The following MTMR9 variants were observed in gnomAD, a reference collection of about 807,000 sequenced individuals.
The protein encoded by MTMR9 is myotubularin related protein 9, also known as myotubularin-related protein 9.
In MTMR9, 39 loss-of-function variants were observed where a neutral mutation model predicts 69.5. The observed-to-expected ratio is 0.56, with a 90% CI of 0.43 to 0.73. The LOEUF is 0.73. Among genes scored for constraint, MTMR9 ranks in the 30% least tolerant of loss-of-function variants. The pLI is 0.00. For missense variants in MTMR9, 900 were observed against 671.2 expected, an observed-to-expected ratio of 1.34 and a Z score of -3.77; for synonymous variants, 354 against 240.8, an observed-to-expected ratio of 1.47 and a Z score of -4.35.
chr8:11,315,482 T>TA (rs1344620456), intron 7 of MTMR9, among the ~76,000 whole-genome samples: 2 of 152,202 alleles, frequency 1.3e-5, no homozygotes, highest in African/African-American at 4.8e-5. Context: ...CCTTCAAAGA[T>TA]AAAACTGAAT....
chr8:11,285,961 TTTTTTTTTTG>T (rs1236510489), intron 1 of MTMR9, among the ~76,000 whole-genome samples: 4 of 142,150 alleles, frequency 2.8e-5, no homozygotes, highest in Middle Eastern at 3.5e-3. Context: ...TTTTTTTTTT[TTTTTTTTTTG>T]GAGACGAAAT....
chr8:11,328,311 T>C (rs1420942374), downstream of MTMR9, among the ~76,000 whole-genome samples: 9 of 151,716 alleles, frequency 5.9e-5, no homozygotes, highest in African/African-American at 2.2e-4. Context: ...TATTGAATGA[T>C]TGGTAAAATT....
At chr8:11,338,966 C>T in the MTMR9 span, among the ~76,000 whole-genome samples, 1 of 152,144 alleles carries the variant, frequency 6.6e-6, no homozygotes, top group African/African-American at 2.4e-5. Context: ...CTGATAATGC[C>T]ATGGGACTCC....
chr8:11,306,387 A>G lies in MTMR9; in HGVS notation c.789A>G (p.Arg263=), dbSNP rs780622467. 3.1e-6 allele frequency: 5 copies of G among 1,614,014 alleles called. No individual in the cohort carries two copies. In the Admixed American group the frequency reaches 8.3e-5, roughly 27 times the overall value. Residue 263 remains arginine, a synonymous_variant, in exon 5 of 10, where the codon CGA becomes CGG. Transcript: ENST00000221086. The part of the protein sequence containing the change: ...EQEAHYPQWR[R]IHKSIERYHI... ...AAGCTCATTATCCTCAGTGGAGGCG[A>G]ATTCATAAGTCCATTGAGAGGTAAA...
chr8:11,299,686 A>T (rs1021563806), intron 2 of MTMR9, among the ~76,000 whole-genome samples: 2 of 152,228 alleles, frequency 1.3e-5, no homozygotes, highest in African/African-American at 4.8e-5. Context: ...TGATCCCCAG[A>T]AATACTTAGA....
At chr8:11,287,717 ATATATAT>A (rs946445463) in intron 1 of MTMR9, among the ~76,000 whole-genome samples, 3,098 of 136,866 alleles carry the variant, frequency 0.023, 121 homozygotes, top group African/African-American at 0.077. Flanking sequence ...ATATATTATA[ATATATAT>A]TATATATTAT....
intron 6 of MTMR9, among the ~76,000 whole-genome samples, chr8:11,311,744 C>G (rs573918208): frequency 1.3e-5 from 2 of 152,246 alleles, no homozygotes; most frequent in Non-Finnish European, 2.9e-5. Context: ...TTGACTCTTC[C>G]TTTCATGAAA....
In MTMR9 at chr8:11,304,212, A is replaced by G. The variant is rs566483531; in HGVS notation, c.418-629A>G. Among the ~76,000 whole-genome samples the G allele has an allele frequency of 5.3e-5, 8 of 152,258 alleles. No homozygotes were observed. In the East Asian group the frequency reaches 1.5e-3, roughly 29 times the overall value. On this transcript the variant is annotated intron_variant, in intron 3 of 9. Transcript: ENST00000221086. ...ACTCCTAAGCTTAACCTTCCTTAGT[A>G]TTGAGTTGGTACTGTTTTAAGAAAG... is the stretch of plus-strand genomic sequence containing the variant.
chr8:11,331,779 C>A (rs764258190), downstream of MTMR9: 18 of 1,611,556 alleles, frequency 1.1e-5, no homozygotes, highest in Non-Finnish European at 1.5e-5. Flanking sequence ...AGTGGCCTTC[C>A]TATCTGGCTT....
At chr8:11,303,485 C>T (rs1236246242) in intron 3 of MTMR9, among the ~76,000 whole-genome samples, 1 of 151,988 alleles carries the variant, frequency 6.6e-6, no homozygotes, top group Non-Finnish European at 1.5e-5. Flanking sequence ...CAGATAACTA[C>T]ATTTTTTTAA....
chr8:11,288,206 T>TA (rs1441007206), intron 1 of MTMR9, among the ~76,000 whole-genome samples: 1 of 137,486 alleles, frequency 7.3e-6, no homozygotes, highest in Non-Finnish European at 1.5e-5. Flanking sequence ...GTAATTATTA[T>TA]ATATAATATA....
downstream of MTMR9, chr8:11,331,759 G>A: frequency 6.2e-7 from 1 of 1,611,894 alleles, no homozygotes; most frequent in Non-Finnish European, 8.5e-7. Flanking sequence ...TTTCCCTCCT[G>A]CCTCCCAACA....
chr8:11,321,651 A>G (rs531788903), intron 9 of MTMR9: 2 of 361,356 alleles, frequency 5.5e-6, no homozygotes, highest in South Asian at 4.2e-5. Flanking sequence ...GTAGGCATCT[A>G]TATTGAATAA....
At chr8:11,333,174 A>G in the MTMR9 span, among the ~76,000 whole-genome samples, 2 of 152,208 alleles carry the variant, frequency 1.3e-5, no homozygotes, top group African/African-American at 4.8e-5. Flanking sequence ...AACCTCTAAT[A>G]CCATAAACTC....
chr8:11,292,653 G>A (rs796174250), intron 1 of MTMR9, among the ~76,000 whole-genome samples: 4 of 152,006 alleles, frequency 2.6e-5, no homozygotes, highest in African/African-American at 9.7e-5. Flanking sequence ...TTTGCTAAGT[G>A]ACCATCCATA....
intron 3 of MTMR9, among the ~76,000 whole-genome samples, chr8:11,304,493 C>T (rs886798228): frequency 3.9e-5 from 6 of 152,176 alleles, no homozygotes; most frequent in Non-Finnish European, 7.4e-5. Flanking sequence ...GATCAGCTGT[C>T]TTTCAAACAT....
chr8:11,328,068 G>GT lies in MTMR9; in HGVS notation c.*5282dup, dbSNP rs1801028239. 1 of 152,162 alleles carries GT rather than the reference G, an allele frequency of 6.6e-6. No homozygotes were observed. The highest frequency in any genetic ancestry group is 1.5e-5 in the Non-Finnish European group (1 of 68,026). 9.4% of individuals were successfully genotyped at this position (152,162 alleles called of 1,614,324 possible). Reference sequence around the variant, plus strand: ...TGGTGTTCCTCTGCCTCAGAGGACAGTTGCACAGATGGCTAGTGTTAAATT... The same window carrying GT: ...TGGTGTTCCTCTGCCTCAGAGGACAGTTTGCACAGATGGCTAGTGTTAAATT... On this transcript the variant is annotated 3_prime_UTR_variant, in exon 10 of 10. Transcript: ENST00000221086.
At chr8:11,337,797 TAGAG>T in the MTMR9 span, among the ~76,000 whole-genome samples, 1 of 152,208 alleles carries the variant, frequency 6.6e-6, no homozygotes, top group Non-Finnish European at 1.5e-5. Flanking sequence ...CCGGTAAAGG[TAGAG>T]AGACAGATTC....
chr8:11,302,683 T>G (rs1354693360), intron 3 of MTMR9, among the ~76,000 whole-genome samples: 2 of 152,242 alleles, frequency 1.3e-5, no homozygotes, highest in African/African-American at 4.8e-5. Context: ...GGATGTCCAT[T>G]GTGACTACTT....
Sources: gnomAD v4.1 joint callset for allele counts (sites outside exome capture counted in the v4.1 genomes callset) on GRCh38, gnomAD v4.1.1 for gene constraint, MANE v1.5 for transcripts, NCBI Gene and HGNC (gene_info 2026-07-23, HGNC 2026-07-21) for gene names.